Variants in SBF2 observed in about 807,000 individuals in gnomAD.
The protein encoded by SBF2 is myotubularin-related protein 13.
In SBF2, 112 loss-of-function variants were observed where a neutral mutation model predicts 225.2. The observed-to-expected ratio is 0.50, with a 90% CI of 0.43 to 0.58. SBF2 has a LOEUF of 0.58. SBF2 is among the 20% of genes least tolerant of loss of function. The pLI, the probability that SBF2 is intolerant of heterozygous loss-of-function variation, is 0.00. For synonymous variants in SBF2, 763 were observed against 773.3 expected (o/e 0.99, Z 0.22); for missense variants, 1,996 against 2,206.2 (o/e 0.90, Z 1.91).
At chr11:10,276,427 A>G (rs1218125181) in intron 1 of SBF2, among the ~76,000 whole-genome samples, 2 of 152,188 alleles carry the variant, frequency 1.3e-5, no homozygotes, top group Admixed American at 1.3e-4. Context: ...TGGCTGCTCT[A>G]ATATAATCTT....
chr11:9,940,161 T>G (rs904225567), intron 16 of SBF2, among the ~76,000 whole-genome samples: 5 of 152,164 alleles, frequency 3.3e-5, no homozygotes, highest in African/African-American at 1.2e-4. Flanking sequence ...CCCAGCACTT[T>G]GGAAGGCTGA....
intron 2 of SBF2, among the ~76,000 whole-genome samples, chr11:10,146,119 T>C (rs1466144831): frequency 6.6e-6 from 1 of 152,022 alleles, no homozygotes; most frequent in Non-Finnish European, 1.5e-5. Flanking sequence ...ATCAGAGAAG[T>C]ATCAATATTG....
At chr11:9,920,331 C>T (rs1420391854) in intron 16 of SBF2, among the ~76,000 whole-genome samples, 1 of 151,978 alleles carries the variant, frequency 6.6e-6, no homozygotes, top group East Asian at 1.9e-4. Flanking sequence ...TATAACTGAG[C>T]TTTGGCAGGG....
intron 35 of SBF2, chr11:9,787,980 T>C (rs2133855605): frequency 7.4e-6 from 4 of 539,968 alleles, no homozygotes; most frequent in East Asian, 3.4e-5. Flanking sequence ...TTGTACAGGA[T>C]AGCTTACATA....
At chr11:9,999,037 T>C (rs1294386173) in intron 8 of SBF2, among the ~76,000 whole-genome samples, 1 of 152,230 alleles carries the variant, frequency 6.6e-6, no homozygotes, top group Non-Finnish European at 1.5e-5. Context: ...GGGTGCTGTT[T>C]AGCCACTTAG....
chr11:9,882,558 C>T (rs990356841), intron 17 of SBF2, among the ~76,000 whole-genome samples: 3 of 152,134 alleles, frequency 2.0e-5, no homozygotes, highest in Non-Finnish European at 4.4e-5. Context: ...TCTGTAATCC[C>T]AGCACTTTGG....
chr11:9,816,756 T>C, intron 29 of SBF2, 84 bp downstream of exon 29: 1 of 1,383,704 alleles, frequency 7.2e-7, no homozygotes, highest in Non-Finnish European at 1.0e-6. Flanking sequence ...AAAAAAATTC[T>C]AGCAAAGCTG....
chr11:10,264,154 A>G (rs1416755042), intron 1 of SBF2, among the ~76,000 whole-genome samples: 2 of 152,180 alleles, frequency 1.3e-5, no homozygotes, highest in Non-Finnish European at 1.5e-5. Context: ...GCTCTTGAGT[A>G]TTCCTTATAA....
intron 28 of SBF2, among the ~76,000 whole-genome samples, chr11:9,827,529 TC>T (rs1855139234): frequency 1.7e-5 from 1 of 59,202 alleles, no homozygotes; most frequent in Admixed American, 1.5e-4. Context: ...TAAGACTCTG[TC>T]TTAAAAAAAA....
At chr11:10,209,851 A>T (rs1218542856) in intron 1 of SBF2, among the ~76,000 whole-genome samples, 1 of 152,156 alleles carries the variant, frequency 6.6e-6, no homozygotes, top group Non-Finnish European at 1.5e-5. Flanking sequence ...AGATGTCTCG[A>T]AGACAACACT....
chr11:10,060,256 G>A (rs912837292), intron 2 of SBF2, among the ~76,000 whole-genome samples: 7 of 152,144 alleles, frequency 4.6e-5, no homozygotes, highest in East Asian at 3.9e-4. Context: ...ACACCCCTCC[G>A]CACACAAAAA....
intron 6 of SBF2, among the ~76,000 whole-genome samples, chr11:10,024,884 A>C (rs193122522): frequency 2.0e-5 from 3 of 152,262 alleles, no homozygotes; most frequent in Admixed American, 2.0e-4. Context: ...ATCTTTGTTA[A>C]ATCAGTGTTT....
chr11:9,843,633 T>C (rs1307335842), intron 24 of SBF2, among the ~76,000 whole-genome samples: 1 of 152,212 alleles, frequency 6.6e-6, no homozygotes, highest in Non-Finnish European at 1.5e-5. Flanking sequence ...CAGTAAAAAG[T>C]GATAAGGCTT....
chr11:9,954,866 A>G (rs1356102078), intron 16 of SBF2, among the ~76,000 whole-genome samples: 2 of 152,124 alleles, frequency 1.3e-5, no homozygotes, highest in Non-Finnish European at 2.9e-5. Context: ...CAGCACAGAA[A>G]GTACTAATAG....
intron 32 of SBF2, among the ~76,000 whole-genome samples, chr11:9,803,838 T>G (rs911003187): frequency 3.3e-5 from 5 of 151,998 alleles, no homozygotes; most frequent in Non-Finnish European, 5.9e-5. Flanking sequence ...ATTCAGCAAA[T>G]TTTTGAAAGA....
At chr11:10,102,259 G>A (rs1952339913) in intron 2 of SBF2, among the ~76,000 whole-genome samples, 1 of 152,200 alleles carries the variant, frequency 6.6e-6, no homozygotes, top group African/African-American at 2.4e-5. Context: ...TGTGGAGTTA[G>A]CCTGGCTCCC....
At chr11:10,019,633 C>T (rs922166208) in intron 6 of SBF2, among the ~76,000 whole-genome samples, 1 of 150,956 alleles carries the variant, frequency 6.6e-6, no homozygotes, top group African/African-American at 2.4e-5. Flanking sequence ...GAAAACTAAG[C>T]AAGCTTCCTT....
chr11:9,871,518 G>A (rs1453695822), intron 17 of SBF2, among the ~76,000 whole-genome samples: 1 of 88,062 alleles, frequency 1.1e-5, no homozygotes, highest in Non-Finnish European at 2.7e-5. Flanking sequence ...TTTGAGATGA[G>A]TCTCACTCTG....
At chr11:10,077,919 A>C (rs1565204496) in intron 2 of SBF2, among the ~76,000 whole-genome samples, 1 of 152,220 alleles carries the variant, frequency 6.6e-6, no homozygotes, top group Non-Finnish European at 1.5e-5. Flanking sequence ...AGAATCTACA[A>C]AGAACTTAAA....
Sources: gnomAD v4.1 joint callset for allele counts (sites outside exome capture counted in the v4.1 genomes callset) on GRCh38, gnomAD v4.1.1 for gene constraint, MANE v1.5 for transcripts, NCBI Gene and HGNC (gene_info 2026-07-23, HGNC 2026-07-21) for gene names.